Variants in OSBPL10 observed in about 807,000 individuals in gnomAD.
The protein encoded by OSBPL10 is oxysterol binding protein like 10, also known as oxysterol-binding protein-related protein 10.
Under a neutral mutation model 81.7 loss-of-function variants are expected in OSBPL10, and 49 were observed. The observed-to-expected ratio is 0.60, with a 90% CI of 0.48 to 0.76. The LOEUF is 0.76. OSBPL10 is among the 30% of genes least tolerant of loss of function. The pLI is 0.00. For synonymous variants in OSBPL10, 419 were observed against 383.6 expected, an observed-to-expected ratio of 1.09 and a Z score of -1.08; for missense variants, 923 against 987.8, an observed-to-expected ratio of 0.93 and a Z score of 0.88.
chr3:31,688,778 C>T (rs1478593941), intron 7 of OSBPL10, among the ~76,000 whole-genome samples: 1 of 152,200 alleles, frequency 6.6e-6, no homozygotes, highest in Non-Finnish European at 1.5e-5. Flanking sequence ...CCAGCTTACA[C>T]AGAATCTAGC....
intron 1 of OSBPL10, among the ~76,000 whole-genome samples, chr3:31,933,920 A>C (rs1216697090): frequency 1.3e-5 from 2 of 152,166 alleles, no homozygotes; most frequent in African/African-American, 4.8e-5. Flanking sequence ...AAAAGTGTTA[A>C]GTGCTACAGT....
chr3:31,723,799 G>C (rs1367381392), intron 6 of OSBPL10, among the ~76,000 whole-genome samples: 4 of 152,124 alleles, frequency 2.6e-5, no homozygotes, highest in Non-Finnish European at 5.9e-5. Flanking sequence ...CTTTCTCCAA[G>C]ATCATAAATC....
At chr3:31,869,142 T>C (rs1701255280) in intron 3 of OSBPL10, among the ~76,000 whole-genome samples, 1 of 152,208 alleles carries the variant, frequency 6.6e-6, no homozygotes, top group Non-Finnish European at 1.5e-5. Context: ...TGGCTTTCAC[T>C]TCACTCTCTT....
chr3:31,876,519 T>C lies in OSBPL10; in HGVS notation c.458-7A>G, dbSNP rs1701476040. 1.9e-6 allele frequency: 3 copies of C among 1,607,502 alleles called. No homozygotes were observed. The highest frequency in any genetic ancestry group is 2.2e-5 in the East Asian group (1 of 44,836). On this transcript the variant is annotated splice_polypyrimidine_tract_variant and splice_region_variant and intron_variant, in intron 2 of 11. Coordinates refer to ENST00000396556, the MANE Select transcript of OSBPL10 (RefSeq NM_017784.5). ...TTCTCTTTTGCATCAGCAGCTAAAA[T>C]AGAGAAAACAGAGAAAGAAATGATT...
chr3:31,936,903 GTCT>G (rs1160422680), intron 1 of OSBPL10, among the ~76,000 whole-genome samples: 1 of 152,102 alleles, frequency 6.6e-6, no homozygotes, highest in South Asian at 2.1e-4. Context: ...ACCCCAAGGA[GTCT>G]TCTTATCTTT....
intron 7 of OSBPL10, among the ~76,000 whole-genome samples, chr3:31,692,862 C>T (rs1047063607): frequency 1.3e-5 from 2 of 152,210 alleles, no homozygotes; most frequent in South Asian, 2.1e-4. Flanking sequence ...GGTTGCTCAG[C>T]GCCCCCAAGG....
At chr3:31,811,400 G>A (rs965837602) in intron 4 of OSBPL10, among the ~76,000 whole-genome samples, 2 of 152,226 alleles carry the variant, frequency 1.3e-5, no homozygotes, top group Non-Finnish European at 2.9e-5. Flanking sequence ...CATGTGCGGC[G>A]CAGGGAGGAC....
Position 31,830,210 on chromosome 3 carries a change from G to C in OSBPL10, c.559C>G (p.Arg187Gly), listed in dbSNP as rs747571699. Residue 187 changes from arginine to glycine, a missense_variant, in exon 4 of 12, where the codon CGA (arginine) becomes GGA (glycine). By Grantham distance (125) the Arg-to-Gly change is moderately radical. Transcript: ENST00000396556. ...CCATGTGGGAGCAAAGTGAGACTTC[G>C]GCTTCGGGAGCTTGGAGCACTCTAG... ...NSKSAPSSRS[R>G]SLTLLPHGTP... 6.2e-7 allele frequency: 1 copy of C among 1,613,862 alleles called. No homozygotes were observed. Among genetic ancestry groups the C allele is most frequent in the Admixed American group, 1.7e-5 (1 of 59,986 alleles).
chr3:31,802,480 C>A (rs1433198819), intron 4 of OSBPL10, among the ~76,000 whole-genome samples: 3 of 145,934 alleles, frequency 2.1e-5, no homozygotes, highest in Admixed American at 7.1e-5. Flanking sequence ...GCAGGAGAAT[C>A]ACTTGAACCC....
At chr3:31,729,431 T>A (rs912308843) in intron 6 of OSBPL10, among the ~76,000 whole-genome samples, 9 of 152,038 alleles carry the variant, frequency 5.9e-5, no homozygotes, top group African/African-American at 1.9e-4. Context: ...AGACTTTTCT[T>A]TTTTGGAGGA....
At chr3:32,004,693 A>G (rs117687976) in intron 2 of OSBPL10, among the ~76,000 whole-genome samples, 1 of 152,228 alleles carries the variant, frequency 6.6e-6, no homozygotes, top group Non-Finnish European at 1.5e-5. Flanking sequence ...TCAGGTACCA[A>G]GAGAACAACA....
upstream of OSBPL10, among the ~76,000 whole-genome samples, chr3:31,985,591 AG>A (rs921619832): frequency 7.6e-4 from 116 of 152,268 alleles, no homozygotes; most frequent in African/African-American, 2.7e-3. Flanking sequence ...AAGCCTTAGG[AG>A]GATGTTCATG....
intron 1 of OSBPL10, among the ~76,000 whole-genome samples, chr3:31,932,323 T>C (rs748397042): frequency 2.0e-5 from 3 of 152,162 alleles, no homozygotes; most frequent in Non-Finnish European, 4.4e-5. Context: ...AAAACTTTCC[T>C]TACCTCCAAG....
chr3:31,936,368 C>T (rs367786556), intron 1 of OSBPL10, among the ~76,000 whole-genome samples: 1 of 152,146 alleles, frequency 6.6e-6, no homozygotes, highest in African/African-American at 2.4e-5. Flanking sequence ...CCTTTGAAAC[C>T]TCATGTTAGC....
chr3:31,823,724 T>A (rs1700034559), intron 4 of OSBPL10, among the ~76,000 whole-genome samples: 1 of 152,240 alleles, frequency 6.6e-6, no homozygotes, highest in African/African-American at 2.4e-5. Flanking sequence ...TTTACCTTGT[T>A]TTGTACGAAG....
intron 1 of OSBPL10, among the ~76,000 whole-genome samples, chr3:31,953,166 C>T (rs13065828): frequency 6.6e-6 from 1 of 151,872 alleles, no homozygotes; most frequent in African/African-American, 2.4e-5. Context: ...AACTCCTGAC[C>T]TCGTGATCCA....
chr3:32,050,744 C>T (rs1699663510), intron 1 of OSBPL10, among the ~76,000 whole-genome samples: 1 of 151,298 alleles, frequency 6.6e-6, no homozygotes, highest in African/African-American at 2.4e-5. Flanking sequence ...TCACCGCAAC[C>T]TCCGCCTCCC....
At chr3:31,899,367 C>T (rs1428763828) in intron 1 of OSBPL10, among the ~76,000 whole-genome samples, 1 of 151,558 alleles carries the variant, frequency 6.6e-6, no homozygotes, top group Non-Finnish European at 1.5e-5. Context: ...AATAAAAATG[C>T]AATATATCCT....
At chr3:32,008,021 C>T (rs1430728320) in intron 2 of OSBPL10, among the ~76,000 whole-genome samples, 1 of 151,960 alleles carries the variant, frequency 6.6e-6, no homozygotes, top group East Asian at 1.9e-4. Flanking sequence ...TTCTTAAACA[C>T]ATCTGTAAAG....
Sources: gnomAD v4.1 joint callset for allele counts (sites outside exome capture counted in the v4.1 genomes callset) on GRCh38, gnomAD v4.1.1 for gene constraint, MANE v1.5 for transcripts, NCBI Gene and HGNC (gene_info 2026-07-23, HGNC 2026-07-21) for gene names.